The following SLC25A17 variants were observed in gnomAD, a reference collection of about 807,000 sequenced individuals.
SLC25A17 encodes solute carrier family 25 member 17, also known as peroxisomal membrane protein PMP34.
A neutral mutation model predicts 38.5 loss-of-function variants in SLC25A17; 26 were observed. That is an observed-to-expected ratio of 0.68 (90% confidence interval 0.50 to 0.94). The LOEUF (loss-of-function observed/expected upper bound fraction) is 0.94, where lower values mean the gene tolerates loss of function less well. Among genes scored for constraint, SLC25A17 ranks in the 40% least tolerant of loss-of-function variants. SLC25A17 has a pLI of 0.00. For synonymous variants in SLC25A17, 139 were observed against 136.2 expected, an observed-to-expected ratio of 1.02 and a Z score of -0.14; for missense variants, 333 against 372.7, an observed-to-expected ratio of 0.89 and a Z score of 0.88.
chr22:40,802,638 TC>T (rs1448932409), intron 1 of SLC25A17, among the ~76,000 whole-genome samples: 1 of 151,718 alleles, frequency 6.6e-6, no homozygotes, highest in African/African-American at 2.4e-5. Context: ...AGAGGGAAAC[TC>T]CTTCTCAAAA....
chr22:40,775,968 A>C (rs2057239615), intron 7 of SLC25A17, among the ~76,000 whole-genome samples: 1 of 152,130 alleles, frequency 6.6e-6, no homozygotes, highest in South Asian at 2.1e-4. Flanking sequence ...AGAATGGACT[A>C]ACACACACAT....
intron 5 of SLC25A17, 90 bp from the exon 6 acceptor site, chr22:40,777,463 A>T: frequency 7.2e-7 from 1 of 1,383,514 alleles, no homozygotes; most frequent in South Asian, 1.3e-5. Context: ...TGTACCCAGA[A>T]CACAAACCAT....
At position 40,788,719 on chromosome 22, in the gene SLC25A17, C is replaced by A. The variant is rs1013438244; in HGVS notation, c.334+3806G>T. On this transcript the variant is annotated intron_variant, in intron 4 of 8. Coordinates refer to ENST00000435456, the MANE Select transcript of SLC25A17 (RefSeq NM_006358.4). ...AACTTAAAATAAAATAAAATAAAAACAAAACAAAACACTGAAATACTGGAA... is the reference window on the plus strand; with the variant it reads ...AACTTAAAATAAAATAAAATAAAAAAAAAACAAAACACTGAAATACTGGAA... 8.7e-5 allele frequency: 20 copies of A among 229,692 alleles called. No homozygotes were observed. The Middle Eastern group carries it at 9.5e-3, about 109-fold the overall frequency. The allele number at this position is 229,692 out of a possible 1,614,324, so 14.2% of individuals were successfully genotyped here. A position where few individuals can be genotyped will look rare whatever the true frequency, so the allele number is the denominator to read the frequency against.
chr22:40,792,383 T>A, intron 4 of SLC25A17, 142 bp downstream of exon 4: 1 of 656,694 alleles, frequency 1.5e-6, no homozygotes, highest in Non-Finnish European at 2.5e-6. Flanking sequence ...TCACGTTTTT[T>A]AACACAATTA....
At position 40,814,774 on chromosome 22, in the gene SLC25A17, TATATATATATATA is replaced by T. The variant is rs2057619242; in HGVS notation, c.54+4408_54+4420del. Reference sequence around the variant, plus strand: ...TGCAGAATATATATATATATATATATATATATATATATATATTGTTGTTGTTGTTGTTGTTTTG... The same window carrying T: ...TGCAGAATATATATATATATATATATTATTGTTGTTGTTGTTGTTGTTTTG... On this transcript the variant is annotated intron_variant, in intron 1 of 8. Transcript: ENST00000435456. Among the ~76,000 whole-genome samples, 15 of 146,344 alleles carry T rather than the reference TATATATATATATA, an allele frequency of 1.0e-4. No homozygotes were observed. In the South Asian group the frequency reaches 2.8e-3, roughly 27 times the overall value.
At chr22:40,784,784 C>CAAA (rs71200616) in intron 4 of SLC25A17, among the ~76,000 whole-genome samples, 986 of 95,948 alleles carry the variant, frequency 0.01, no homozygotes, top group African/African-American at 0.012. Context: ...TCAACAACAA[C>CAAA]AAAAAAAAAA....
chr22:40,771,547 T>C (rs1185071935), intron 8 of SLC25A17, among the ~76,000 whole-genome samples: 1 of 152,260 alleles, frequency 6.6e-6, no homozygotes, highest in Non-Finnish European at 1.5e-5. Flanking sequence ...TGAGAGTTTG[T>C]TGTTTGTAAC....
chr22:40,810,261 C>T (rs1296913462), intron 1 of SLC25A17, among the ~76,000 whole-genome samples: 3 of 151,832 alleles, frequency 2.0e-5, no homozygotes, highest in Non-Finnish European at 4.4e-5. Flanking sequence ...TCAGCTGTAT[C>T]TAATATGTTC....
intron 4 of SLC25A17, among the ~76,000 whole-genome samples, chr22:40,788,474 C>T (rs780463083): frequency 1.1e-4 from 17 of 152,134 alleles, no homozygotes; most frequent in South Asian, 4.1e-4. Context: ...AGACAGATCA[C>T]GAGGTCAGGA....
chr22:40,780,821 A>G (rs1350491685), intron 4 of SLC25A17, among the ~76,000 whole-genome samples: 2 of 152,228 alleles, frequency 1.3e-5, no homozygotes, highest in Non-Finnish European at 2.9e-5. Context: ...GTAGGCACAT[A>G]CAAAAACACT....
chr22:40,804,643 T>C (rs538623136), intron 1 of SLC25A17, among the ~76,000 whole-genome samples: 7 of 152,322 alleles, frequency 4.6e-5, no homozygotes, highest in Non-Finnish European at 8.8e-5. Context: ...GTCAGATGCA[T>C]AGTTTGCAAA....
intron 3 of SLC25A17, 102 bp downstream of exon 3, chr22:40,794,412 T>G: frequency 1.4e-6 from 1 of 698,698 alleles, no homozygotes; most frequent in Non-Finnish European, 2.5e-6. Context: ...TTCACAACAT[T>G]AGAGTGCTGT....
At chr22:40,811,735 GAACT>G (rs1212311471) in intron 1 of SLC25A17, among the ~76,000 whole-genome samples, 1 of 152,126 alleles carries the variant, frequency 6.6e-6, no homozygotes, top group African/African-American at 2.4e-5. Context: ...GCTCTCCCAT[GAACT>G]AACAGTGAGA....
chr22:40,775,970 C>A (rs2057239680), intron 7 of SLC25A17, among the ~76,000 whole-genome samples: 1 of 152,158 alleles, frequency 6.6e-6, no homozygotes, highest in South Asian at 2.1e-4. Flanking sequence ...AATGGACTAA[C>A]ACACACATCA....
chr22:40,812,394 G>C (rs927245419), intron 1 of SLC25A17, among the ~76,000 whole-genome samples: 7 of 152,174 alleles, frequency 4.6e-5, no homozygotes, highest in African/African-American at 1.7e-4. Flanking sequence ...ATCTGGTCAA[G>C]ACTTGGTCCC....
intron 1 of SLC25A17, among the ~76,000 whole-genome samples, chr22:40,806,062 C>T (rs1399613086): frequency 1.3e-5 from 2 of 152,162 alleles, no homozygotes; most frequent in Non-Finnish European, 2.9e-5. Context: ...TGACTTGGAG[C>T]ACCCAGCTGG....
At chr22:40,775,043 C>T (rs1569398423) in intron 7 of SLC25A17, among the ~76,000 whole-genome samples, 1 of 152,144 alleles carries the variant, frequency 6.6e-6, no homozygotes, top group Non-Finnish European at 1.5e-5. Flanking sequence ...TCTCTCTTAG[C>T]TTTCTGACCA....
intron 1 of SLC25A17, among the ~76,000 whole-genome samples, chr22:40,800,307 C>G (rs1011095615): frequency 6.6e-6 from 1 of 152,124 alleles, no homozygotes; most frequent in Admixed American, 6.6e-5. Flanking sequence ...GGTTCTCAAT[C>G]CAGATGCATA....
chr22:40,778,531 T>G (rs1291901151), intron 5 of SLC25A17, among the ~76,000 whole-genome samples: 1 of 152,220 alleles, frequency 6.6e-6, no homozygotes, highest in African/African-American at 2.4e-5. Context: ...ATGCTATTGA[T>G]GGATGCCGAG....
Sources: allele counts gnomAD v4.1 joint callset (sites outside exome capture counted in the v4.1 genomes callset), GRCh38; gene constraint gnomAD v4.1.1; transcripts MANE v1.5; gene names NCBI Gene and HGNC (gene_info 2026-07-23, HGNC 2026-07-21).